The following PCDH15 variants were observed in gnomAD, a reference collection of about 807,000 sequenced individuals.
PCDH15 encodes protocadherin related 15, also known as protocadherin-15.
Under a neutral mutation model 178.5 loss-of-function variants are expected in PCDH15, and 129 were observed. That is an observed-to-expected ratio of 0.72 (90% CI 0.63 to 0.84). The LOEUF (loss-of-function observed/expected upper bound fraction) is 0.84. PCDH15 is among the 40% of genes least tolerant of loss of function. The pLI is 0.00. For missense variants in PCDH15, 2,230 were observed against 2,099.9 expected, an observed-to-expected ratio of 1.06 and a Z score of -1.21; for synonymous variants, 800 against 732.0, an observed-to-expected ratio of 1.09 and a Z score of -1.50.
chr10:54,945,370 T>C (rs1196115583), intron 2 of PCDH15, among the ~76,000 whole-genome samples: 2 of 150,554 alleles, frequency 1.3e-5, no homozygotes, highest in Non-Finnish European at 3.0e-5. Flanking sequence ...GATATATAGA[T>C]AGATAGATAG....
At chr10:55,003,233 G>T (rs1040192027) in intron 2 of PCDH15, among the ~76,000 whole-genome samples, 6 of 152,108 alleles carry the variant, frequency 3.9e-5, no homozygotes, top group African/African-American at 7.2e-5. Flanking sequence ...CTACGGTCCA[G>T]GGCTTGCTTC....
intron 2 of PCDH15, among the ~76,000 whole-genome samples, chr10:54,976,029 G>A (rs1378031722): frequency 6.6e-6 from 1 of 152,026 alleles, no homozygotes; most frequent in Non-Finnish European, 1.5e-5. Context: ...GTGTATCATG[G>A]AATTTTAAAA....
intron 3 of PCDH15, among the ~76,000 whole-genome samples, chr10:54,808,167 G>T (rs1046158252): frequency 6.6e-6 from 1 of 151,888 alleles, no homozygotes; most frequent in Non-Finnish European, 1.5e-5. Flanking sequence ...ATTTATACTG[G>T]TTTCTCTTTA....
chr10:54,052,366 T>C (rs2093795595), intron 18 of PCDH15, among the ~76,000 whole-genome samples: 3 of 152,184 alleles, frequency 2.0e-5, no homozygotes, highest in Admixed American at 2.0e-4. Flanking sequence ...CCCACGGCTA[T>C]GGGAGTGTCA....
At chr10:55,501,885 C>T (rs1407727597) in intron 2 of PCDH15, among the ~76,000 whole-genome samples, 1 of 151,654 alleles carries the variant, frequency 6.6e-6, no homozygotes, top group African/African-American at 2.4e-5. Flanking sequence ...TTGTACTTGA[C>T]ATATTAAAGG....
At chr10:54,069,994 A>C (rs2094209345) in intron 17 of PCDH15, among the ~76,000 whole-genome samples, 2 of 152,176 alleles carry the variant, frequency 1.3e-5, no homozygotes, top group Admixed American at 1.3e-4. Context: ...CCATCAACGG[A>C]GTTTGCTCAC....
At chr10:54,357,701 G>A (rs561831686) in intron 5 of PCDH15, among the ~76,000 whole-genome samples, 22 of 152,160 alleles carry the variant, frequency 1.4e-4, no homozygotes, top group East Asian at 1.4e-3. Flanking sequence ...AGCCTGCATC[G>A]CCAAGTCAAT....
At chr10:54,880,019 A>T (rs890469123) in intron 3 of PCDH15, among the ~76,000 whole-genome samples, 2 of 152,160 alleles carry the variant, frequency 1.3e-5, no homozygotes, top group African/African-American at 4.8e-5. Flanking sequence ...ACCTCACTAA[A>T]GTTAAATGTG....
At chr10:55,333,474 T>C (rs916157442) in intron 2 of PCDH15, among the ~76,000 whole-genome samples, 7 of 152,174 alleles carry the variant, frequency 4.6e-5, no homozygotes, top group Admixed American at 3.9e-4. Flanking sequence ...ATGTGAAATT[T>C]TTAGTAAACA....
intron 2 of PCDH15, among the ~76,000 whole-genome samples, chr10:55,410,457 G>A (rs967654506): frequency 6.6e-6 from 1 of 152,070 alleles, no homozygotes; most frequent in Non-Finnish European, 1.5e-5. Context: ...GGAATGAGAC[G>A]AAGAATAAAT....
At chr10:55,196,494 T>C (rs1426227580) in intron 1 of PCDH15, among the ~76,000 whole-genome samples, 1 of 152,012 alleles carries the variant, frequency 6.6e-6, no homozygotes, top group Non-Finnish European at 1.5e-5. Flanking sequence ...GTTCATGGCC[T>C]AATGAATTCT....
In PCDH15 at chr10:54,787,551, C is replaced by T. The variant is rs184004052; in HGVS notation, c.-29+13374G>A. 3.4e-4 allele frequency among the ~76,000 whole-genome samples: 52 copies of T among 152,056 alleles called. No individual in the cohort carries two copies. The East Asian group carries it at 7.8e-3, about 23-fold the overall frequency. On this transcript the variant is annotated intron_variant, in intron 1 of 37. Transcript: ENST00000644397. ...CTCTTCTGCAAGGCAAGTTACACTA[C>T]CTCTATATTATCTAAAAGTGACTCT...
chr10:54,783,135 C>T (rs1010502183), intron 1 of PCDH15, among the ~76,000 whole-genome samples: 1 of 151,900 alleles, frequency 6.6e-6, no homozygotes, highest in Non-Finnish European at 1.5e-5. Context: ...GAACCCATCT[C>T]TAAAAGGAAA....
intron 1 of PCDH15, among the ~76,000 whole-genome samples, chr10:54,700,270 T>C (rs1160958869): frequency 6.6e-6 from 1 of 152,112 alleles, no homozygotes; most frequent in Admixed American, 6.6e-5. Flanking sequence ...CAGATTAGAA[T>C]GTACCAGCAT....
At chr10:55,203,304 TTATTATTATTAC>T (rs1840306215) in intron 1 of PCDH15, among the ~76,000 whole-genome samples, 1 of 152,068 alleles carries the variant, frequency 6.6e-6, no homozygotes, top group Admixed American at 6.6e-5. Context: ...TTCTGGATTA[TTATTATTATTAC>T]TATTATTATA....
chr10:54,785,972 T>C (rs966224801), intron 1 of PCDH15, among the ~76,000 whole-genome samples: 1 of 152,012 alleles, frequency 6.6e-6, no homozygotes, highest in Non-Finnish European at 1.5e-5. Flanking sequence ...AGCTATAGAC[T>C]GAAGTGTTTA....
chr10:54,229,146 C>T (rs939944536), intron 9 of PCDH15, among the ~76,000 whole-genome samples: 1 of 152,130 alleles, frequency 6.6e-6, no homozygotes, highest in Non-Finnish European at 1.5e-5. Flanking sequence ...GGAAAAATCC[C>T]TTCCCATTCC....
chr10:54,845,695 T>A (rs930148374), intron 3 of PCDH15, among the ~76,000 whole-genome samples: 5 of 152,092 alleles, frequency 3.3e-5, no homozygotes, highest in African/African-American at 9.7e-5. Context: ...TGAGAAAGTT[T>A]ACATTCAGTT....
intron 13 of PCDH15, among the ~76,000 whole-genome samples, chr10:54,172,321 G>A (rs975686838): frequency 5.3e-5 from 8 of 150,494 alleles, no homozygotes; most frequent in South Asian, 4.2e-4. Flanking sequence ...ACTCCTGCCC[G>A]CCAGAGAACA....
Sources: allele counts gnomAD v4.1 joint callset (sites outside exome capture counted in the v4.1 genomes callset), GRCh38; gene constraint gnomAD v4.1.1; transcripts MANE v1.5; gene names NCBI Gene and HGNC (gene_info 2026-07-23, HGNC 2026-07-21).